Variants in SUMF1 observed in about 807,000 individuals in gnomAD.
SUMF1 encodes sulfatase modifying factor 1, also known as formylglycine-generating enzyme.
Under a neutral mutation model 47.6 loss-of-function variants are expected in SUMF1, and 48 were observed. The observed-to-expected ratio is 1.01, with a 90% CI of 0.80 to 1.28. The LOEUF is 1.28. Among genes scored for constraint, SUMF1 ranks in the 50% most tolerant of loss-of-function variants. The pLI, the probability that SUMF1 is intolerant of heterozygous loss-of-function variation, is 0.00. For missense variants in SUMF1, 571 were observed against 485.4 expected (o/e 1.18, Z -1.66); for synonymous variants, 230 against 192.1 (o/e 1.20, Z -1.63).
intron 9 of SUMF1, among the ~76,000 whole-genome samples, chr3:4,036,849 C>CAA (rs3048145): frequency 1.9e-4 from 14 of 75,136 alleles, no homozygotes; most frequent in African/African-American, 7.5e-4. Flanking sequence ...GTCAGTGAGG[C>CAA]AAAAAAAAAA....
intron 8 of SUMF1, among the ~76,000 whole-genome samples, chr3:4,292,342 A>G (rs1013545127): frequency 6.6e-6 from 1 of 152,224 alleles, no homozygotes; most frequent in African/African-American, 2.4e-5. Context: ...TGGAATTTCT[A>G]CTTCAGTGTT....
chr3:4,274,044 G>A (rs73117624), intron 8 of SUMF1, among the ~76,000 whole-genome samples: 285 of 152,052 alleles, frequency 1.9e-3, no homozygotes, highest in Non-Finnish European at 2.5e-3. Flanking sequence ...TATAAACAGG[G>A]CCCATAAACA....
chr3:4,450,952 GA>G (rs926841966), intron 2 of SUMF1, among the ~76,000 whole-genome samples: 1 of 152,012 alleles, frequency 6.6e-6, no homozygotes, highest in African/African-American at 2.4e-5. Flanking sequence ...GGAGAGATGG[GA>G]AAAGAGTGCC....
chr3:4,297,514 C>G (rs1164073963), intron 8 of SUMF1, among the ~76,000 whole-genome samples: 1 of 151,890 alleles, frequency 6.6e-6, no homozygotes, highest in Non-Finnish European at 1.5e-5. Context: ...CTCAAGCAAT[C>G]CTCCCACCTC....
chr3:4,134,225 A>T (rs144985976), intron 8 of SUMF1, among the ~76,000 whole-genome samples: 4,008 of 152,000 alleles, frequency 0.026, 164 homozygotes, highest in African/African-American at 0.092. Context: ...GAAGTAAAAC[A>T]CTCCTCAGCA....
At chr3:4,270,499 T>G (rs1697282449) in intron 8 of SUMF1, among the ~76,000 whole-genome samples, 1 of 152,004 alleles carries the variant, frequency 6.6e-6, no homozygotes, top group Non-Finnish European at 1.5e-5. Flanking sequence ...GCTTAAATCA[T>G]TTAATAAGCA....
chr3:4,258,803 C>A lies in SUMF1; in HGVS notation c.1014+117527G>T, dbSNP rs561421370. On this transcript the variant is annotated intron_variant and NMD_transcript_variant, in intron 8 of 12. Coordinates refer to the SUMF1 transcript ENST00000448413. ...ACTATAAATCATGCTGTTATAAAGA[C>A]ACATGCACACATATGTTTATTGCGG... Among the ~76,000 whole-genome samples the A allele has an allele frequency of 7.7e-3, 1,072 of 138,362 alleles. 20 individuals carry two copies. Among genetic ancestry groups the A allele is most frequent in the South Asian group, 0.026 (117 of 4,524 alleles). 90.8% of individuals were successfully genotyped at this position (138,362 alleles called of 152,430 possible).
intron 6 of SUMF1, among the ~76,000 whole-genome samples, chr3:4,412,029 C>T (rs893079161): frequency 1.3e-5 from 2 of 152,168 alleles, no homozygotes; most frequent in Admixed American, 6.5e-5. Flanking sequence ...CAATTCAGAG[C>T]ACTCCAATCA....
intron 8 of SUMF1, among the ~76,000 whole-genome samples, chr3:4,075,794 C>A (rs536203838): frequency 6.6e-6 from 1 of 152,138 alleles, no homozygotes; most frequent in South Asian, 2.1e-4. Flanking sequence ...ATGTGAAGGA[C>A]CCCTTCAAGG....
rs569614447 is a variant in SUMF1 at position 4,198,169 on chromosome 3, G to A, written c.1015-129424C>T. ...GTTTCTCTCCTATTCCTTACTCATT[G>A]GCAGTGAAGGTATAAACAAAGAGTG... On this transcript the variant is annotated intron_variant and NMD_transcript_variant, in intron 8 of 12. Transcript: ENST00000448413. Among the ~76,000 whole-genome samples, 8 of 151,394 alleles carry A rather than the reference G, an allele frequency of 5.3e-5. 1 individual carries two copies. The highest frequency in any genetic ancestry group is 5.3e-4 in the Admixed American group (8 of 15,168).
intron 8 of SUMF1, among the ~76,000 whole-genome samples, chr3:4,268,057 TA>T (rs1236003093): frequency 6.6e-6 from 1 of 152,128 alleles, no homozygotes; most frequent in African/African-American, 2.4e-5. Flanking sequence ...TATGCAGCCA[TA>T]AAAAATGATG....
At chr3:4,335,361 G>A (rs1699125066) in intron 8 of SUMF1, among the ~76,000 whole-genome samples, 1 of 152,138 alleles carries the variant, frequency 6.6e-6, no homozygotes, top group Non-Finnish European at 1.5e-5. Context: ...TGATTATAAG[G>A]AGAAGTGATA....
intron 8 of SUMF1, among the ~76,000 whole-genome samples, chr3:4,218,899 AGCTTTTCTC>A (rs2125171954): frequency 6.6e-6 from 1 of 152,224 alleles, no homozygotes; most frequent in South Asian, 2.1e-4. Context: ...GTTTTTCTTA[AGCTTTTCTC>A]ACTATTAAAC....
intron 8 of SUMF1, among the ~76,000 whole-genome samples, chr3:4,121,923 G>A (rs942146502): frequency 7.9e-5 from 12 of 152,004 alleles, no homozygotes; most frequent in African/African-American, 2.7e-4. Flanking sequence ...GTGTCCATGT[G>A]TTCTCATCAT....
chr3:4,426,098 G>C (rs774138570), intron 3 of SUMF1, among the ~76,000 whole-genome samples: 1 of 152,192 alleles, frequency 6.6e-6, no homozygotes, highest in Non-Finnish European at 1.5e-5. Context: ...ATGAGATTTA[G>C]TTGGGGACAC....
rs375626139 is a variant in SUMF1 at position 4,383,377 on chromosome 3, T to G, written c.955-6988A>C. ...CTGGGCGACAGAGCAAGATTCCAAC[T>G]CAAAAATAAATAAATAAATAAAAAT... On this transcript the variant is annotated intron_variant, in intron 7 of 8. Transcript: ENST00000272902. Among the ~76,000 whole-genome samples the G allele has an allele frequency of 5.8e-4, 88 of 152,034 alleles. 2 individuals are homozygous for G. The South Asian group carries it at 0.018, about 31-fold the overall frequency.
chr3:4,036,843 G>C (rs1385275441), intron 9 of SUMF1, among the ~76,000 whole-genome samples: 2 of 95,680 alleles, frequency 2.1e-5, no homozygotes, highest in Non-Finnish European at 3.9e-5. Context: ...GCTGAGGTCA[G>C]TGAGGCAAAA....
In SUMF1 at chr3:4,416,525, T is replaced by C. The variant is rs118138547; in HGVS notation, c.840+603A>G. On this transcript the variant is annotated intron_variant, in intron 6 of 8. Transcript: ENST00000272902. ...ATGATACATATACACCAGAAACACA[T>C]ATGCTGGCAAATACGGTAGTTAAGA... Among the ~76,000 whole-genome samples the C allele has an allele frequency of 2.4e-4, 36 of 152,340 alleles. No homozygotes were observed. The East Asian group carries it at 6.2e-3, about 26-fold the overall frequency.
At chr3:4,273,742 C>T (rs1303900386) in intron 8 of SUMF1, among the ~76,000 whole-genome samples, 1 of 34,396 alleles carries the variant, frequency 2.9e-5, no homozygotes, top group African/African-American at 2.1e-4. Flanking sequence ...AGGGAGGATA[C>T]GGGAGGGAGG....
Sources: allele counts gnomAD v4.1 joint callset (sites outside exome capture counted in the v4.1 genomes callset), GRCh38; gene constraint gnomAD v4.1.1; transcripts MANE v1.5; gene names NCBI Gene and HGNC (gene_info 2026-07-23, HGNC 2026-07-21).